The following ST3GAL2 variants were observed in gnomAD, a reference collection of about 807,000 sequenced individuals.
The protein encoded by ST3GAL2 is ST3 beta-galactoside alpha-2,3-sialyltransferase 2.
A neutral mutation model predicts 37.5 loss-of-function variants in ST3GAL2; 16 were observed. The ratio of observed to expected loss-of-function variants is 0.43; its 90% CI spans 0.29 to 0.65. ST3GAL2 has a LOEUF of 0.65. Ranked by LOEUF, ST3GAL2 falls within the 30% of genes least tolerant of loss-of-function variation. The pLI is 0.17. For missense variants in ST3GAL2, 383 were observed against 487.8 expected, an observed-to-expected ratio of 0.79 and a Z score of 2.02; for synonymous variants, 238 against 202.9, an observed-to-expected ratio of 1.17 and a Z score of -1.47.
intron 1 of ST3GAL2, among the ~76,000 whole-genome samples, chr16:70,411,989 C>A (rs567663626): frequency 1.5e-4 from 23 of 149,416 alleles, no homozygotes; most frequent in Admixed American, 1.3e-3. Flanking sequence ...AGCGAAACTC[C>A]GTCTCAAAAA....
intron 3 of ST3GAL2, 139 bp from the exon 4 acceptor site, chr16:70,388,685 G>T: frequency 1.1e-6 from 1 of 935,458 alleles, no homozygotes; most frequent in Non-Finnish European, 1.6e-6. Flanking sequence ...CTAGAAATCT[G>T]CCCTATAAAA....
chr16:70,431,662 TA>T (rs60739243), intron 1 of ST3GAL2, among the ~76,000 whole-genome samples: 496 of 139,166 alleles, frequency 3.6e-3, no homozygotes, highest in Non-Finnish European at 4.3e-3. Context: ...CCCATCTCTT[TA>T]AAAAAAAAAA....
At chr16:70,434,409 C>T (rs180735693) in intron 1 of ST3GAL2, among the ~76,000 whole-genome samples, 3 of 152,080 alleles carry the variant, frequency 2.0e-5, no homozygotes, top group East Asian at 3.9e-4. Context: ...TGTACTCCAG[C>T]CTGGCAACAG....
chr16:70,421,539 C>T (rs1567675955), intron 1 of ST3GAL2, among the ~76,000 whole-genome samples: 1 of 152,236 alleles, frequency 6.6e-6, no homozygotes, highest in African/African-American at 2.4e-5. Context: ...GACGCACAGA[C>T]CTTGGTCCAT....
In ST3GAL2 at chr16:70,381,564, A is replaced by T; in HGVS notation, c.*125T>A. ...GCCCGGCCGGTCCCCCAGTCTCGTG[A>T]TTGGCGGGGCACAGCAGACGCCCCT... is the stretch of plus-strand genomic sequence containing the variant. On this transcript the variant is annotated 3_prime_UTR_variant, in exon 7 of 7. Coordinates refer to ENST00000342907, the MANE Select transcript of ST3GAL2 (RefSeq NM_006927.4). 1 of 1,206,636 alleles carries T rather than the reference A, an allele frequency of 8.3e-7. No homozygotes were observed. Among genetic ancestry groups the T allele is most frequent in the Non-Finnish European group, 1.1e-6 (1 of 886,940 alleles). 74.7% of individuals were successfully genotyped at this position (1,206,636 alleles called of 1,614,324 possible). A position where few individuals can be genotyped will look rare whatever the true frequency, so the allele number is the denominator to read the frequency against.
At chr16:70,419,253 T>G (rs1175688574) in intron 1 of ST3GAL2, among the ~76,000 whole-genome samples, 1 of 152,194 alleles carries the variant, frequency 6.6e-6, no homozygotes, top group Non-Finnish European at 1.5e-5. Context: ...AGAGGAGATA[T>G]GCTCCAGAAC....
rs75236453 is a variant in ST3GAL2, at chr16:70,419,393, G to A, written c.-1004+19556C>T. 3.4e-3 allele frequency among the ~76,000 whole-genome samples: 525 copies of A among 152,284 alleles called. 6 individuals are homozygous for A. The highest frequency in any genetic ancestry group is 0.012 in the African/African-American group (488 of 41,578). ...AGGAAAGAGGTCACAATCCAACCAC[G>A]AGCACTGCAAATCCATAAGACAGGG... is the stretch of plus-strand genomic sequence containing the variant. On this transcript the variant is annotated intron_variant, in intron 1 of 6. Coordinates refer to ENST00000342907, the MANE Select transcript of ST3GAL2 (RefSeq NM_006927.4).
At chr16:70,431,261 C>G (rs1167373951) in intron 1 of ST3GAL2, among the ~76,000 whole-genome samples, 1 of 152,242 alleles carries the variant, frequency 6.6e-6, no homozygotes, top group African/African-American at 2.4e-5. Context: ...CAAAGTAGTT[C>G]CCTGTAGACC....
At chr16:70,426,940 C>T (rs1014127068) in intron 1 of ST3GAL2, among the ~76,000 whole-genome samples, 2 of 151,848 alleles carry the variant, frequency 1.3e-5, no homozygotes, top group Admixed American at 6.6e-5. Context: ...CTTGACCTCC[C>T]AGGCTCCAGC....
chr16:70,419,964 G>A (rs2047702461), intron 1 of ST3GAL2, among the ~76,000 whole-genome samples: 1 of 151,738 alleles, frequency 6.6e-6, no homozygotes, highest in Admixed American at 6.6e-5. Context: ...CCCTCCAAAG[G>A]GCTCCTATGT....
intron 3 of ST3GAL2, among the ~76,000 whole-genome samples, chr16:70,392,947 G>A (rs2047491583): frequency 6.6e-6 from 1 of 152,030 alleles, no homozygotes; most frequent in East Asian, 1.9e-4. Context: ...AACAAGCCCA[G>A]CTTATCCACT....
At chr16:70,412,189 T>C (rs2047642933) in intron 1 of ST3GAL2, among the ~76,000 whole-genome samples, 1 of 152,196 alleles carries the variant, frequency 6.6e-6, no homozygotes, top group Admixed American at 6.5e-5. Context: ...ACCTTTATTT[T>C]ACCTCATTCT....
intron 3 of ST3GAL2, among the ~76,000 whole-genome samples, chr16:70,391,634 C>G (rs1175965589): frequency 1.3e-5 from 2 of 152,156 alleles, no homozygotes; most frequent in Non-Finnish European, 2.9e-5. Flanking sequence ...GAAGCCTTAA[C>G]AGGGGATGTC....
Position 70,401,810 on chromosome 16 carries a change from T to A in ST3GAL2, c.-1003-2277A>T, listed in dbSNP as rs147547968. Among the ~76,000 whole-genome samples, 379 of 151,988 alleles carry A rather than the reference T, an allele frequency of 2.5e-3. 1 individual carries two copies. Among genetic ancestry groups the A allele is most frequent in the African/African-American group, 8.5e-3 (353 of 41,434 alleles). On this transcript the variant is annotated intron_variant, in intron 1 of 6. Transcript: ENST00000342907. ...GATTTCAAGACCAGCCTGGCCAACA[T>A]GGTGAAACCCCATCTCTACTAAAAA...
chr16:70,381,902 C>G (rs1443274439), intron 6 of ST3GAL2, 40 bp from the exon 7 acceptor site: 1 of 1,606,768 alleles, frequency 6.2e-7, no homozygotes, highest in Admixed American at 1.7e-5. Context: ...CAGGCGGGGA[C>G]CTGGAGGATG....
intron 5 of ST3GAL2, 53 bp downstream of exon 5, chr16:70,383,137 C>A: frequency 6.2e-7 from 1 of 1,605,398 alleles, no homozygotes; most frequent in South Asian, 1.1e-5. Flanking sequence ...ACCAGGCACA[C>A]AGGCTGGGCC....
intron 1 of ST3GAL2, among the ~76,000 whole-genome samples, chr16:70,429,710 C>T (rs1567678304): frequency 2.8e-5 from 4 of 142,594 alleles, no homozygotes; most frequent in Admixed American, 7.1e-5. Flanking sequence ...GGGGTGATCA[C>T]GGCTCACTGT....
rs2047349326 is a variant in ST3GAL2, at chr16:70,376,805, C to G, written c.*4884G>C. The G allele has an allele frequency of 6.6e-6, 1 of 151,596 alleles. No homozygotes were observed. The highest frequency in any genetic ancestry group is 2.4e-5 in the African/African-American group (1 of 41,242). 9.4% of individuals were successfully genotyped at this position (151,596 alleles called of 1,614,324 possible). On this transcript the variant is annotated 3_prime_UTR_variant, in exon 7 of 7. Coordinates refer to ENST00000342907, the MANE Select transcript of ST3GAL2 (RefSeq NM_006927.4). ...TCGCTCAGGCTGGAGTGCAGTGGCTCAATCTCGGCTCACCACAACTTCCAC... is the reference window on the plus strand; with the variant it reads ...TCGCTCAGGCTGGAGTGCAGTGGCTGAATCTCGGCTCACCACAACTTCCAC...
chr16:70,408,890 CAAAAAAAAAAAAAAAAAAAAAAAA>C (rs59060353), intron 1 of ST3GAL2, among the ~76,000 whole-genome samples: 64 of 59,868 alleles, frequency 1.1e-3, no homozygotes, highest in African/African-American at 2.3e-3. Flanking sequence ...CTCAAAGAAA[CAAAAAAAAAAAAAAAAAAAAAAAA>C]AAAAAAAAAA....
Sources: gnomAD v4.1 joint callset for allele counts (sites outside exome capture counted in the v4.1 genomes callset) on GRCh38, gnomAD v4.1.1 for gene constraint, MANE v1.5 for transcripts, NCBI Gene and HGNC (gene_info 2026-07-23, HGNC 2026-07-21) for gene names.